The following PPP6C variants were observed in gnomAD, a reference collection of about 807,000 sequenced individuals.
PPP6C encodes protein phosphatase 6 catalytic subunit, also known as serine/threonine-protein phosphatase 6 catalytic subunit.
Under a neutral mutation model 39.8 loss-of-function variants are expected in PPP6C, and 11 were observed. The observed-to-expected ratio is 0.28, with a 90% CI of 0.17 to 0.46. PPP6C has a LOEUF of 0.46. Ranked by LOEUF, PPP6C falls within the 20% of genes least tolerant of loss-of-function variation. The probability of loss-of-function intolerance (pLI) is 1.00; values close to 1 mark genes in which losing one functional copy is unlikely to be tolerated. For synonymous variants in PPP6C, 129 were observed against 130.3 expected (o/e 0.99, Z 0.07); for missense variants, 211 against 373.9 (o/e 0.56, Z 3.59).
chr9:125,184,116 G>A lies in PPP6C; in HGVS notation c.75+5528C>T, dbSNP rs575518494. ...AAAAAATTTTTTTTTTGCCAGGCGCGGTGGCTAACGCCTATAATCCCTGCA... is the reference window on the plus strand; with the variant it reads ...AAAAAATTTTTTTTTTGCCAGGCGCAGTGGCTAACGCCTATAATCCCTGCA... On this transcript the variant is annotated intron_variant, in intron 1 of 6. Coordinates refer to ENST00000373547, the MANE Select transcript of PPP6C (RefSeq NM_002721.5). Among the ~76,000 whole-genome samples, 556 of 152,166 alleles carry A rather than the reference G, an allele frequency of 3.7e-3. 1 individual carries two copies. Among genetic ancestry groups the A allele is most frequent in the African/African-American group, 0.012 (511 of 41,532 alleles).
intron 6 of PPP6C, 36 bp from the exon 7 acceptor site, chr9:125,149,957 T>G (rs1835897146): frequency 1.3e-6 from 2 of 1,592,624 alleles, no homozygotes; most frequent in East Asian, 4.5e-5. Context: ...TACTTAGCAC[T>G]TAAAAAACAA....
intron 1 of PPP6C, among the ~76,000 whole-genome samples, chr9:125,187,355 T>G (rs957147150): frequency 6.6e-6 from 1 of 151,518 alleles, no homozygotes; most frequent in Non-Finnish European, 1.5e-5. Flanking sequence ...CCCGGCTCAC[T>G]GCAAGCAATT....
At chr9:125,186,765 A>G (rs573575527) in intron 1 of PPP6C, among the ~76,000 whole-genome samples, 1 of 151,818 alleles carries the variant, frequency 6.6e-6, no homozygotes, top group East Asian at 1.9e-4. Context: ...CCACCAAAAA[A>G]AAGATTAAAA....
intron 2 of PPP6C, among the ~76,000 whole-genome samples, chr9:125,169,181 T>C (rs745853088): frequency 6.6e-6 from 1 of 152,260 alleles, no homozygotes; most frequent in East Asian, 1.9e-4. Context: ...CTGTAGTAGC[T>C]GTGTGTGAGT....
intron 1 of PPP6C, among the ~76,000 whole-genome samples, chr9:125,187,091 C>T (rs573754626): frequency 6.7e-6 from 1 of 150,310 alleles, no homozygotes; most frequent in South Asian, 2.1e-4. Context: ...GGATTCCAAG[C>T]ACCTGCCACC....
Position 125,146,917 on chromosome 9 carries a change from G to C in PPP6C, c.*2756C>G, listed in dbSNP as rs1835825729. On this transcript the variant is annotated 3_prime_UTR_variant, in exon 7 of 7. Coordinates refer to ENST00000373547, the MANE Select transcript of PPP6C (RefSeq NM_002721.5). Reference sequence around the variant, plus strand: ...ACAGTACAGGCATTTTCCAAAACCTGGTTCTGGGCTTACAAAGCACACACA... The same window carrying C: ...ACAGTACAGGCATTTTCCAAAACCTCGTTCTGGGCTTACAAAGCACACACA... 1 of 152,150 alleles carries C rather than the reference G, an allele frequency of 6.6e-6. No homozygotes were observed. The highest frequency in any genetic ancestry group is 2.1e-4 in the South Asian group (1 of 4,828). The allele number at this position is 152,150 out of a possible 1,614,324, so 9.4% of individuals were successfully genotyped here.
chr9:125,189,400 G>T (rs1276262527), intron 1 of PPP6C, among the ~76,000 whole-genome samples: 2 of 152,252 alleles, frequency 1.3e-5, no homozygotes, highest in African/African-American at 4.8e-5. Context: ...AAGGCCAGAA[G>T]GGGCGACCCT....
Position 125,189,777 on chromosome 9 carries a change from A to AGCG in PPP6C, c.-62_-60dup, listed in dbSNP as rs991510824. On this transcript the variant is annotated 5_prime_UTR_variant, in exon 1 of 7. Transcript: ENST00000373547. Reference sequence around the variant, plus strand: ...CGGCGGCTGTAGCAGCGGCGGCGGCAGCGGCGGAGGCCGAAGCCGGAACTT... The same window carrying AGCG: ...CGGCGGCTGTAGCAGCGGCGGCGGCAGCGGCGGCGGAGGCCGAAGCCGGAACTT... The AGCG allele has an allele frequency of 1.4e-5, 22 of 1,532,606 alleles. No individual in the cohort carries two copies. Among genetic ancestry groups the AGCG allele is most frequent in the Non-Finnish European group, 1.8e-5 (21 of 1,139,724 alleles). The allele number at this position is 1,532,606 out of a possible 1,614,324, so 94.9% of individuals were successfully genotyped here.
chr9:125,189,449 G>A (rs1211837806), intron 1 of PPP6C, 195 bp downstream of exon 1: 86 of 1,409,802 alleles, frequency 6.1e-5, no homozygotes, highest in Non-Finnish European at 8.0e-5. Flanking sequence ...TCCCCACTGA[G>A]GCAACCGGGA....
chr9:125,165,186 C>T (rs1249484680), intron 2 of PPP6C, among the ~76,000 whole-genome samples: 11 of 151,948 alleles, frequency 7.2e-5, no homozygotes, highest in Non-Finnish European at 1.5e-4. Flanking sequence ...TCAATATTTA[C>T]CATATTAGAG....
rs1038798805 is a variant in PPP6C at position 125,147,481 on chromosome 9, A to G, written c.*2192T>C. 2.0e-5 allele frequency: 3 copies of G among 152,126 alleles called. No individual in the cohort carries two copies. The highest frequency in any genetic ancestry group is 7.2e-5 in the African/African-American group (3 of 41,386). 9.4% of individuals were successfully genotyped at this position (152,126 alleles called of 1,614,324 possible). A position where few individuals can be genotyped will look rare whatever the true frequency, so the allele number is the denominator to read the frequency against. On this transcript the variant is annotated 3_prime_UTR_variant, in exon 7 of 7. Transcript: ENST00000373547. ...TATTCCTTGTAGGCTCACAAAGTCC[A>G]ATACATTAGCTCTCTCTTCCCTTTA...
intron 4 of PPP6C, among the ~76,000 whole-genome samples, chr9:125,157,252 A>G (rs1046201385): frequency 2.0e-5 from 3 of 151,644 alleles, no homozygotes; most frequent in Non-Finnish European, 4.4e-5. Context: ...AAGTGCTGGG[A>G]TTACAGGGGT....
chr9:125,150,455 A>G (rs1835908384), intron 6 of PPP6C, among the ~76,000 whole-genome samples: 1 of 136,442 alleles, frequency 7.3e-6, no homozygotes, highest in Non-Finnish European at 1.7e-5. Flanking sequence ...TTTTAATTGA[A>G]AACAGTTGAA....
At chr9:125,151,805 T>C (rs1436929757) in intron 6 of PPP6C, among the ~76,000 whole-genome samples, 3 of 152,236 alleles carry the variant, frequency 2.0e-5, no homozygotes, top group East Asian at 1.9e-4. Flanking sequence ...TCTGGCTTCC[T>C]TGATGATTCT....
At chr9:125,177,352 GT>G (rs1398677896) in intron 1 of PPP6C, among the ~76,000 whole-genome samples, 13 of 149,980 alleles carry the variant, frequency 8.7e-5, no homozygotes. Context: ...CCAGCCTGGG[GT>G]GACAGCAAGA....
rs375258638 is a variant in PPP6C at position 125,171,031 on chromosome 9, C to T, written c.171+54G>A. ...TTTAATTTTGCAGCACATGTGAAAA[C>T]ACACATGGATCATGGACAGTACAAA... is the stretch of plus-strand genomic sequence containing the variant. On this transcript the variant is annotated intron_variant, in intron 2 of 6. Coordinates refer to ENST00000373547, the MANE Select transcript of PPP6C (RefSeq NM_002721.5). 1.0e-5 allele frequency: 12 copies of T among 1,178,570 alleles called. No individual in the cohort carries two copies. In the East Asian group the frequency reaches 3.3e-4, roughly 32 times the overall value. The allele number at this position is 1,178,570 out of a possible 1,614,324, so 73.0% of individuals were successfully genotyped here.
At chr9:125,158,160 C>A in intron 4 of PPP6C, 81 bp downstream of exon 4, 1 of 1,338,796 alleles carries the variant, frequency 7.5e-7, no homozygotes, top group Non-Finnish European at 1.0e-6. Flanking sequence ...ATACATAAAG[C>A]ATGTGTATGA....
At chr9:125,186,869 TTAAGG>T (rs1285779123) in intron 1 of PPP6C, among the ~76,000 whole-genome samples, 2 of 151,350 alleles carry the variant, frequency 1.3e-5, no homozygotes, top group African/African-American at 2.4e-5. Context: ...TTGTACTTCC[TTAAGG>T]TAAGAAGGAA....
At chr9:125,188,152 G>A (rs1287593933) in intron 1 of PPP6C, among the ~76,000 whole-genome samples, 2 of 152,174 alleles carry the variant, frequency 1.3e-5, no homozygotes, top group African/African-American at 4.8e-5. Flanking sequence ...TTGGGAGGCC[G>A]AGGCGGGCGG....
Sources: allele counts gnomAD v4.1 joint callset (sites outside exome capture counted in the v4.1 genomes callset), GRCh38; gene constraint gnomAD v4.1.1; transcripts MANE v1.5; gene names NCBI Gene and HGNC (gene_info 2026-07-23, HGNC 2026-07-21).